The following PYROXD2 variants were observed in gnomAD, a reference collection of about 807,000 sequenced individuals.
PYROXD2 encodes the protein pyridine nucleotide-disulphide oxidoreductase domain 2.
Under a neutral mutation model 71.1 loss-of-function variants are expected in PYROXD2, and 69 were observed. The ratio of observed to expected loss-of-function variants is 0.97; its 90% CI spans 0.80 to 1.19. PYROXD2 has a LOEUF of 1.19. Among genes scored for constraint, PYROXD2 ranks in the 50% most tolerant of loss-of-function variants. PYROXD2 has a pLI of 0.00. For missense variants in PYROXD2, 745 were observed against 748.9 expected (o/e 0.99, Z 0.06); for synonymous variants, 287 against 302.7 (o/e 0.95, Z 0.54).
chr10:98,409,424 C>A (rs1463259871), intron 2 of PYROXD2, among the ~76,000 whole-genome samples: 1 of 152,230 alleles, frequency 6.6e-6, no homozygotes, highest in African/African-American at 2.4e-5. Context: ...AAGCTCAAAT[C>A]CTGTGCTAGG....
intron 5 of PYROXD2, among the ~76,000 whole-genome samples, chr10:98,398,535 C>T (rs1341161890): frequency 1.3e-5 from 2 of 152,174 alleles, no homozygotes; most frequent in African/African-American, 4.8e-5. Flanking sequence ...AAAATACATT[C>T]GAGAAGTCTT....
chr10:98,395,263 A>C lies in PYROXD2; in HGVS notation c.718T>G (p.Leu240Val), dbSNP rs1007620284. The C allele has an allele frequency of 3.7e-6, 6 of 1,614,166 alleles. No individual in the cohort carries two copies. Among genetic ancestry groups the C allele is most frequent in the Non-Finnish European group, 5.1e-6 (6 of 1,180,040 alleles). Residue 240 changes from leucine to valine, a missense_variant, in exon 8 of 16, where the codon TTA becomes GTA. Physicochemically the swap from Leu to Val is conservative, Grantham distance 32. Transcript: ENST00000370575. ...VLDQWFESEP[L>V]KATLATDAVI... ...GCATCTGTGGCTAGAGTGGCTTTTA[A>C]AGGCTCAGACTCGAACCACTGATCC...
At chr10:98,391,617 G>A (rs941209413) in intron 10 of PYROXD2, among the ~76,000 whole-genome samples, 11 of 152,168 alleles carry the variant, frequency 7.2e-5, no homozygotes, top group East Asian at 3.9e-4. Flanking sequence ...ACCCACTTCC[G>A]TGTAACCTTG....
At chr10:98,406,306 T>G (rs759028679) in intron 4 of PYROXD2, among the ~76,000 whole-genome samples, 8 of 152,252 alleles carry the variant, frequency 5.3e-5, no homozygotes, top group Non-Finnish European at 1.2e-4. Flanking sequence ...ATTCTGTGAT[T>G]CTTAGTCTCT....
intron 6 of PYROXD2, among the ~76,000 whole-genome samples, chr10:98,396,634 T>C (rs2135970623): frequency 6.6e-6 from 1 of 152,302 alleles, no homozygotes; most frequent in South Asian, 2.1e-4. Flanking sequence ...ATTCTTCCTG[T>C]ATGGGGGCAG....
intron 13 of PYROXD2, among the ~76,000 whole-genome samples, chr10:98,387,624 G>GTTTT (rs550769911): frequency 5.3e-5 from 6 of 113,010 alleles, no homozygotes; most frequent in Non-Finnish European, 1.1e-4. Flanking sequence ...TTCTCAAGCT[G>GTTTT]TTTTTTTTTT....
Position 98,400,329 on chromosome 10 carries a change from G to T in PYROXD2, c.316-72C>A. On this transcript the variant is annotated intron_variant, in intron 4 of 15. Transcript: ENST00000370575. Reference sequence around the variant, plus strand: ...CTCTGCCCATCATCTTTCTCCGATTGTGTTTGTGTGACCATTTAGGTACCT... The same window carrying T: ...CTCTGCCCATCATCTTTCTCCGATTTTGTTTGTGTGACCATTTAGGTACCT... The T allele has an allele frequency of 2.1e-6, 3 of 1,445,624 alleles. No homozygotes were observed. The South Asian group carries it at 4.1e-5, about 20-fold the overall frequency. The allele number at this position is 1,445,624 out of a possible 1,614,324, so 89.5% of individuals were successfully genotyped here.
At chr10:98,405,723 G>A (rs1264176638) in intron 4 of PYROXD2, among the ~76,000 whole-genome samples, 3 of 152,188 alleles carry the variant, frequency 2.0e-5, no homozygotes, top group African/African-American at 4.8e-5. Context: ...CTATCACCAC[G>A]TTCACCGCAA....
chr10:98,400,348 G>A (rs1843351761), intron 4 of PYROXD2, 91 bp from the exon 5 acceptor site: 2 of 1,302,168 alleles, frequency 1.5e-6, no homozygotes, highest in Non-Finnish European at 2.1e-6. Flanking sequence ...TGACCATTTA[G>A]GTACCTGTGT....
Position 98,392,549 on chromosome 10 carries a change from C to T in PYROXD2, c.945G>A (p.Gln315=). The change falls in exon 10 of 16, where the codon CAG becomes CAA. Residue 315 remains glutamine, a synonymous_variant. Transcript: ENST00000370575. The part of the protein sequence containing the change: ...IFTEKTVAKV[Q]VNSEGCVQGV... ...CTTGAACACAGCCTTCACTGTTCAC[C>T]TGCACCTTCGCCACTGTCTAGAGCC... is the stretch of plus-strand genomic sequence containing the variant. 2 of 1,612,328 alleles carry T rather than the reference C, an allele frequency of 1.2e-6. No homozygotes were observed. Among genetic ancestry groups the T allele is most frequent in the Non-Finnish European group, 1.7e-6 (2 of 1,180,014 alleles).
At chr10:98,404,763 C>T (rs545744445) in intron 4 of PYROXD2, among the ~76,000 whole-genome samples, 1 of 152,210 alleles carries the variant, frequency 6.6e-6, no homozygotes, top group Non-Finnish European at 1.5e-5. Context: ...CTGGGGGCCT[C>T]CTCTTTCAGA....
rs768519902 is a variant in PYROXD2 at position 98,415,016 on chromosome 10, T to C, written c.120A>G (p.Ile40Met). ...GLKPEYDAVV[I>M]GAGHNGLVAA... is the part of the protein sequence containing the mutation. The stretch of plus-strand genomic sequence containing the variant: ...CCTGCTTTACCACTTTACCTGCTCC[T>C]ATCACCACCGCATCATACTCAGGCT... Residue 40 changes from isoleucine to methionine, a missense_variant, in exon 1 of 16, where the codon ATA (isoleucine) becomes ATG (methionine). Transcript: ENST00000370575. 6 of 1,613,044 alleles carry C rather than the reference T, an allele frequency of 3.7e-6. No individual in the cohort carries two copies. Among genetic ancestry groups the C allele is most frequent in the Non-Finnish European group, 4.2e-6 (5 of 1,179,464 alleles).
intron 4 of PYROXD2, among the ~76,000 whole-genome samples, chr10:98,404,409 T>G (rs1416707363): frequency 6.6e-6 from 1 of 152,204 alleles, no homozygotes; most frequent in Non-Finnish European, 1.5e-5. Flanking sequence ...CTTTGCCCAA[T>G]TAAACTCTAT....
At chr10:98,386,546 C>CTTTTT (rs112385802) in intron 14 of PYROXD2, among the ~76,000 whole-genome samples, 3,234 of 147,722 alleles carry the variant, frequency 0.022, 94 homozygotes, top group African/African-American at 0.069. Context: ...CTTTCTTTTG[C>CTTTTT]TTTTTTTTTA....
At chr10:98,403,532 G>A (rs921006441) in intron 4 of PYROXD2, among the ~76,000 whole-genome samples, 1 of 152,156 alleles carries the variant, frequency 6.6e-6, no homozygotes, top group Non-Finnish European at 1.5e-5. Flanking sequence ...ACCCCCATCT[G>A]GTGCTCTCTG....
intron 15 of PYROXD2, 87 bp from the exon 16 acceptor site, chr10:98,383,955 C>T (rs1350730278): frequency 3.3e-6 from 4 of 1,206,214 alleles, no homozygotes; most frequent in Non-Finnish European, 4.9e-6. Flanking sequence ...GATCCAGCAA[C>T]AAAGCAGAGT....
At chr10:98,403,137 G>A (rs553467378) in intron 4 of PYROXD2, among the ~76,000 whole-genome samples, 1 of 152,244 alleles carries the variant, frequency 6.6e-6, no homozygotes, top group Admixed American at 6.5e-5. Context: ...GCGGGGGCCG[G>A]GGCCAGGAGA....
intron 8 of PYROXD2, among the ~76,000 whole-genome samples, chr10:98,393,665 C>T (rs1843033753): frequency 6.6e-6 from 1 of 152,128 alleles, no homozygotes; most frequent in East Asian, 1.9e-4. Flanking sequence ...TCATTGGACC[C>T]CCTCTCCCAC....
Position 98,407,962 on chromosome 10 carries a change from G to C in PYROXD2, c.183C>G (p.Ala61=), listed in dbSNP as rs374581494. 3.1e-6 allele frequency: 5 copies of C among 1,610,114 alleles called. No homozygotes were observed. In the African/African-American group the frequency reaches 6.7e-5, roughly 22 times the overall value. Residue 61 remains alanine (A), a synonymous_variant, in exon 3 of 16, where the codon GCC becomes GCG. Coordinates refer to ENST00000370575, the MANE Select transcript of PYROXD2 (RefSeq NM_032709.3). ...AYLQRLGVNT[A]VFERRHVIGG... is the part of the protein sequence containing the mutation. ...CGATCACATGGCGCCTCTCGAAGACGGCGGTGTTCACCCCCAGTCTCTGCA... is the reference window on the plus strand; with the variant it reads ...CGATCACATGGCGCCTCTCGAAGACCGCGGTGTTCACCCCCAGTCTCTGCA...
Sources: allele counts gnomAD v4.1 joint callset (sites outside exome capture counted in the v4.1 genomes callset), GRCh38; gene constraint gnomAD v4.1.1; transcripts MANE v1.5; gene names NCBI Gene and HGNC (gene_info 2026-07-23, HGNC 2026-07-21).